The following EFCAB11 variants were observed in gnomAD, a reference collection of about 807,000 sequenced individuals.
EFCAB11 encodes the protein EF-hand calcium binding domain 11, also known as EF-hand calcium-binding domain-containing protein 11.
Under a neutral mutation model 23.0 loss-of-function variants are expected in EFCAB11, and 14 were observed. That is an observed-to-expected ratio of 0.61 (90% CI 0.40 to 0.95). The LOEUF (loss-of-function observed/expected upper bound fraction) is 0.95. Among genes scored for constraint, EFCAB11 ranks in the 40% least tolerant of loss-of-function variants. The pLI is 0.00. For missense variants in EFCAB11, 198 were observed against 195.8 expected (o/e 1.01, Z -0.07); for synonymous variants, 65 against 66.6 (o/e 0.98, Z 0.11).
At chr14:89,953,782 A>G in intron 2 of EFCAB11, 124 bp downstream of exon 2, 1 of 711,662 alleles carries the variant, frequency 1.4e-6, no homozygotes, top group South Asian at 1.9e-5. Context: ...TCAGCACTGG[A>G]CACATCTCTG....
chr14:89,835,785 G>A lies in EFCAB11; in HGVS notation c.411-38461C>T, dbSNP rs1422831254. Among the ~76,000 whole-genome samples the A allele has an allele frequency of 2.6e-5, 4 of 151,926 alleles. 1 individual carries two copies. The East Asian group carries it at 5.8e-4, about 22-fold the overall frequency. ...TGGGATTACAGGTGTCCACCACCAC[G>A]CCCAGCTAATTTTTGTATTTTCAGT... On this transcript the variant is annotated intron_variant, in intron 5 of 5. Coordinates refer to ENST00000316738, the MANE Select transcript of EFCAB11 (RefSeq NM_145231.4).
chr14:89,951,561 T>G (rs1891166824), intron 2 of EFCAB11, among the ~76,000 whole-genome samples: 1 of 152,168 alleles, frequency 6.6e-6, no homozygotes, highest in South Asian at 2.1e-4. Flanking sequence ...TCATTCATCT[T>G]TATATCACTA....
intron 5 of EFCAB11, among the ~76,000 whole-genome samples, chr14:89,825,871 T>C (rs1475713563): frequency 6.6e-6 from 1 of 152,206 alleles, no homozygotes; most frequent in Non-Finnish European, 1.5e-5. Context: ...TTCTGTATGC[T>C]TGCAATGTTT....
Position 89,809,496 on chromosome 14 carries a change from G to A in EFCAB11, c.411-12172C>T, listed in dbSNP as rs559272242. Among the ~76,000 whole-genome samples, 145 of 152,240 alleles carry A rather than the reference G, an allele frequency of 9.5e-4. 1 individual carries two copies. In the South Asian group the frequency reaches 0.029, roughly 31 times the overall value. ...CATTTCAGCCACTAAAAAAGATCAC[G>A]CTCATCATTAAAGACATTAAGTGTT... On this transcript the variant is annotated intron_variant, in intron 5 of 5. Transcript: ENST00000316738.
intron 5 of EFCAB11, among the ~76,000 whole-genome samples, chr14:89,913,288 A>G (rs932115862): frequency 6.6e-6 from 1 of 152,210 alleles, no homozygotes; most frequent in African/African-American, 2.4e-5. Flanking sequence ...GATACTCCAT[A>G]TTTAGCATGA....
intron 5 of EFCAB11, among the ~76,000 whole-genome samples, chr14:89,842,280 A>C (rs930701100): frequency 3.3e-5 from 5 of 152,208 alleles, no homozygotes; most frequent in Admixed American, 3.3e-4. Context: ...CCCTATGGCC[A>C]GAGGGATCTG....
At chr14:89,926,826 C>G (rs1312647893) in intron 5 of EFCAB11, among the ~76,000 whole-genome samples, 1 of 152,178 alleles carries the variant, frequency 6.6e-6, no homozygotes, top group Non-Finnish European at 1.5e-5. Flanking sequence ...ATGACCCCTA[C>G]TTGAGGATAA....
intron 5 of EFCAB11, among the ~76,000 whole-genome samples, chr14:89,809,500 A>G (rs1252076691): frequency 6.6e-6 from 1 of 152,220 alleles, no homozygotes; most frequent in Non-Finnish European, 1.5e-5. Flanking sequence ...GATCACGCTC[A>G]TCATTAAAGA....
chr14:89,853,367 A>G (rs1887653950), intron 5 of EFCAB11, among the ~76,000 whole-genome samples: 1 of 152,222 alleles, frequency 6.6e-6, no homozygotes. Context: ...AAAAATATAT[A>G]TTGTTAGCAT....
chr14:89,797,431 C>T (rs1885612754), intron 5 of EFCAB11, 107 bp from the exon 6 acceptor site: 2 of 936,136 alleles, frequency 2.1e-6, no homozygotes, highest in African/African-American at 1.7e-5. Context: ...GAGAGAGGAA[C>T]CTATTTTATC....
intron 5 of EFCAB11, among the ~76,000 whole-genome samples, chr14:89,859,165 A>T (rs1430803260): frequency 6.6e-6 from 1 of 152,218 alleles, no homozygotes; most frequent in Non-Finnish European, 1.5e-5. Context: ...ATTTTATCAG[A>T]TCTGGTGGTT....
At chr14:89,943,733 T>C (rs1890872345) in intron 3 of EFCAB11, among the ~76,000 whole-genome samples, 1 of 152,182 alleles carries the variant, frequency 6.6e-6, no homozygotes, top group African/African-American at 2.4e-5. Context: ...ATAGAAAAAT[T>C]GCATGTTAGC....
intron 5 of EFCAB11, among the ~76,000 whole-genome samples, chr14:89,922,297 C>G (rs1890044240): frequency 6.6e-6 from 1 of 152,214 alleles, no homozygotes; most frequent in Non-Finnish European, 1.5e-5. Context: ...GTCACACTGA[C>G]AGACCACATC....
chr14:89,914,160 AAT>A, intron 5 of EFCAB11, among the ~76,000 whole-genome samples: 1 of 152,360 alleles, frequency 6.6e-6, no homozygotes, highest in East Asian at 1.9e-4. Flanking sequence ...TATAGCTAAC[AAT>A]ATGAGTATCT....
At chr14:89,896,632 A>G (rs1889172914) in intron 5 of EFCAB11, among the ~76,000 whole-genome samples, 1 of 152,208 alleles carries the variant, frequency 6.6e-6, no homozygotes, top group Non-Finnish European at 1.5e-5. Context: ...TACAGTATTA[A>G]TAAGAAGAGA....
intron 5 of EFCAB11, chr14:89,799,621 T>A (rs770388344): frequency 1.1e-4 from 16 of 152,186 alleles, no homozygotes; most frequent in Non-Finnish European, 2.2e-4. Flanking sequence ...TGTTTTGGTG[T>A]CATCAACAAA....
intron 5 of EFCAB11, among the ~76,000 whole-genome samples, chr14:89,922,661 C>T (rs1266464710): frequency 6.6e-6 from 1 of 151,998 alleles, no homozygotes; most frequent in Non-Finnish European, 1.5e-5. Flanking sequence ...CATTCATTTA[C>T]ATAAGATGAA....
At chr14:89,798,881 G>A (rs556868314) in intron 5 of EFCAB11, among the ~76,000 whole-genome samples, 21 of 152,232 alleles carry the variant, frequency 1.4e-4, no homozygotes, top group African/African-American at 3.9e-4. Context: ...CCGCCTCTCC[G>A]GCTCAAGCAA....
intron 5 of EFCAB11, among the ~76,000 whole-genome samples, chr14:89,885,711 AAGAAAGAGAGAG>A (rs1402594226): frequency 6.1e-5 from 9 of 146,858 alleles, no homozygotes; most frequent in East Asian, 3.9e-4. Flanking sequence ...GAAAGAGAGA[AAGAAAGAGAGAG>A]AGAAAGAGAG....
Sources: allele counts gnomAD v4.1 joint callset (sites outside exome capture counted in the v4.1 genomes callset), GRCh38; gene constraint gnomAD v4.1.1; transcripts MANE v1.5; gene names NCBI Gene and HGNC (gene_info 2026-07-23, HGNC 2026-07-21).